The following SAMD12 variants were observed in gnomAD, a reference collection of about 807,000 sequenced individuals.
The protein encoded by SAMD12 is sterile alpha motif domain-containing protein 12.
In SAMD12, 9 loss-of-function variants were observed where a neutral mutation model predicts 15.0. The ratio of observed to expected loss-of-function variants is 0.60; its 90% CI spans 0.36 to 1.05. The LOEUF (loss-of-function observed/expected upper bound fraction) is 1.05, where lower values mean the gene tolerates loss of function less well. Ranked by LOEUF, SAMD12 falls within the 50% of genes least tolerant of loss-of-function variation. The probability of loss-of-function intolerance (pLI) is 0.01; values close to 1 mark genes in which losing one functional copy is unlikely to be tolerated. For missense variants in SAMD12, 230 were observed against 234.2 expected (o/e 0.98, Z 0.12); for synonymous variants, 86 against 90.1 (o/e 0.96, Z 0.25).
At chr8:118,246,375 A>C (rs1182003987) in intron 4 of SAMD12, among the ~76,000 whole-genome samples, 1 of 152,060 alleles carries the variant, frequency 6.6e-6, no homozygotes, top group Non-Finnish European at 1.5e-5. Context: ...AAAGAAAGAG[A>C]CATTTTTTCT....
rs1035356189 is a variant in SAMD12 at position 118,287,886 on chromosome 8, A to G, written c.434-90154T>C. ...TAATAAATATGTGGCCTAAACAGTC[A>G]TACTTTCTACCCATGCTTAACCTGA... On this transcript the variant is annotated intron_variant, in intron 4 of 4. Transcript: ENST00000409003. Among the ~76,000 whole-genome samples, 6 of 152,168 alleles carry G rather than the reference A, an allele frequency of 3.9e-5. No homozygotes were observed. In the East Asian group the frequency reaches 1.2e-3, roughly 29 times the overall value.
At chr8:118,535,999 C>T (rs1006486584) in intron 2 of SAMD12, among the ~76,000 whole-genome samples, 1 of 152,180 alleles carries the variant, frequency 6.6e-6, no homozygotes, top group African/African-American at 2.4e-5. Context: ...AACCCAGTAC[C>T]TCAGTTGGAA....
chr8:118,529,424 C>T (rs1265941250), intron 2 of SAMD12, among the ~76,000 whole-genome samples: 1 of 152,280 alleles, frequency 6.6e-6, no homozygotes, highest in South Asian at 2.1e-4. Flanking sequence ...TTAGGGGATA[C>T]AAGTGCGGTT....
At chr8:118,220,367 G>A (rs1812057355) in intron 4 of SAMD12, among the ~76,000 whole-genome samples, 1 of 152,168 alleles carries the variant, frequency 6.6e-6, no homozygotes, top group South Asian at 2.1e-4. Context: ...CCATGATTCT[G>A]TATTTTATGA....
At position 118,322,196 on chromosome 8, in the gene SAMD12, G is replaced by A. The variant is rs368829405; in HGVS notation, c.433+57364C>T. Among the ~76,000 whole-genome samples the A allele has an allele frequency of 1.3e-4, 20 of 152,284 alleles. No individual in the cohort carries two copies. In the East Asian group the frequency reaches 3.7e-3, roughly 28 times the overall value. On this transcript the variant is annotated intron_variant, in intron 4 of 4. Coordinates refer to the SAMD12 transcript ENST00000409003. ...CCTCCTCAGAAATGCCTTCTCAGAG[G>A]TGTCTCTGAAATAGGCCTCCCACAA...
chr8:118,463,934 A>AT (rs1823511333), intron 2 of SAMD12, among the ~76,000 whole-genome samples: 1 of 152,112 alleles, frequency 6.6e-6, no homozygotes, highest in African/African-American at 2.4e-5. Context: ...TACTGGATCA[A>AT]CCTCTGACTC....
intron 2 of SAMD12, among the ~76,000 whole-genome samples, chr8:118,556,022 A>C (rs1022666374): frequency 1.3e-5 from 2 of 152,178 alleles, no homozygotes; most frequent in Non-Finnish European, 2.9e-5. Flanking sequence ...AAAAAAGAAG[A>C]GGAATAAGTC....
At chr8:118,497,430 G>A (rs747190157) in intron 2 of SAMD12, among the ~76,000 whole-genome samples, 3 of 152,176 alleles carry the variant, frequency 2.0e-5, no homozygotes, top group Non-Finnish European at 4.4e-5. Context: ...CATGAATGCA[G>A]CTTCAGGTCA....
intron 4 of SAMD12, among the ~76,000 whole-genome samples, chr8:118,368,775 G>A (rs1818931513): frequency 6.6e-6 from 1 of 152,164 alleles, no homozygotes; most frequent in Non-Finnish European, 1.5e-5. Context: ...AACATACAGA[G>A]GATCCACCTC....
chr8:118,494,256 G>C (rs188582806), intron 2 of SAMD12, among the ~76,000 whole-genome samples: 52 of 152,250 alleles, frequency 3.4e-4, no homozygotes, highest in Non-Finnish European at 3.4e-4. Context: ...AAGGAATGTA[G>C]CCTCCTCAAC....
At chr8:118,173,243 G>T in the SAMD12 span, among the ~76,000 whole-genome samples, 3 of 152,110 alleles carry the variant, frequency 2.0e-5, no homozygotes, top group Non-Finnish European at 4.4e-5. Flanking sequence ...ATCGAGGCAG[G>T]GTTCTGTGTA....
chr8:118,587,692 GA>G (rs940747602), intron 1 of SAMD12, among the ~76,000 whole-genome samples: 1 of 152,108 alleles, frequency 6.6e-6, no homozygotes, highest in Non-Finnish European at 1.5e-5. Context: ...CTACAAAGAT[GA>G]AAAAAAGTCA....
At chr8:118,183,391 G>T in the SAMD12 span, among the ~76,000 whole-genome samples, 4 of 152,074 alleles carry the variant, frequency 2.6e-5, no homozygotes, top group Admixed American at 1.3e-4. Context: ...TTGTGCATTG[G>T]GTACATTTTT....
intron 2 of SAMD12, among the ~76,000 whole-genome samples, chr8:118,465,350 C>A (rs1282820312): frequency 1.3e-5 from 2 of 152,108 alleles, no homozygotes; most frequent in East Asian, 3.9e-4. Flanking sequence ...GATGAACAAG[C>A]AACATTTATT....
At chr8:118,602,129 C>T (rs1827878345) in intron 1 of SAMD12, among the ~76,000 whole-genome samples, 2 of 152,036 alleles carry the variant, frequency 1.3e-5, no homozygotes, top group African/African-American at 2.4e-5. Flanking sequence ...CTCCTAACTG[C>T]CAAATAGGAA....
At chr8:118,172,737 C>A in the SAMD12 span, among the ~76,000 whole-genome samples, 1 of 152,236 alleles carries the variant, frequency 6.6e-6, no homozygotes, top group African/African-American at 2.4e-5. Context: ...TTTGCTTCTG[C>A]CTCTCTTTCC....
intron 2 of SAMD12, among the ~76,000 whole-genome samples, chr8:118,519,520 T>C (rs752693374): frequency 2.0e-5 from 3 of 152,240 alleles, no homozygotes; most frequent in African/African-American, 4.8e-5. Flanking sequence ...TAGTACAATA[T>C]ATCTACATCC....
chr8:118,614,245 C>G (rs1014068654), intron 1 of SAMD12, among the ~76,000 whole-genome samples: 4 of 152,200 alleles, frequency 2.6e-5, no homozygotes, highest in African/African-American at 9.7e-5. Context: ...GAGCACCTAC[C>G]ACAAACCAGG....
chr8:118,302,361 T>G (rs1255307273), intron 4 of SAMD12, among the ~76,000 whole-genome samples: 1 of 152,182 alleles, frequency 6.6e-6, no homozygotes, highest in Non-Finnish European at 1.5e-5. Flanking sequence ...ATGTACTGTG[T>G]GACATTAGCT....
Sources: allele counts gnomAD v4.1 joint callset (sites outside exome capture counted in the v4.1 genomes callset), GRCh38; gene constraint gnomAD v4.1.1; transcripts MANE v1.5; gene names NCBI Gene and HGNC (gene_info 2026-07-23, HGNC 2026-07-21).